The following GPD2 variants were observed in gnomAD, a reference collection of about 807,000 sequenced individuals.
GPD2 encodes glycerol-3-phosphate dehydrogenase 2, also known as glycerol-3-phosphate dehydrogenase, mitochondrial.
A neutral mutation model predicts 82.4 loss-of-function variants in GPD2; 54 were observed. The ratio of observed to expected loss-of-function variants is 0.66; its 90% CI spans 0.53 to 0.82. GPD2 has a LOEUF of 0.82. Among genes scored for constraint, GPD2 ranks in the 40% least tolerant of loss-of-function variants. GPD2 has a pLI of 0.00. For missense variants in GPD2, 748 were observed against 896.2 expected (o/e 0.83, Z 2.11); for synonymous variants, 288 against 306.1 (o/e 0.94, Z 0.62).
intron 6 of GPD2, among the ~76,000 whole-genome samples, chr2:156,521,578 C>T (rs544915911): frequency 1.3e-5 from 2 of 152,054 alleles, no homozygotes; most frequent in African/African-American, 4.8e-5. Flanking sequence ...GAAAATATTC[C>T]AAAGTGAAGC....
intron 6 of GPD2, among the ~76,000 whole-genome samples, chr2:156,539,067 A>G (rs181824745): frequency 1.3e-5 from 2 of 152,302 alleles, no homozygotes; most frequent in African/African-American, 2.4e-5. Flanking sequence ...TTGCTGAGAG[A>G]TGTTATTCTG....
At chr2:156,480,961 T>C (rs540237565) in intron 2 of GPD2, among the ~76,000 whole-genome samples, 75 of 151,628 alleles carry the variant, frequency 4.9e-4, no homozygotes, top group African/African-American at 1.7e-3. Flanking sequence ...CTAAGGTCTC[T>C]TTTTAATGGG....
intron 1 of GPD2, among the ~76,000 whole-genome samples, chr2:156,469,848 A>G (rs151322441): frequency 2.4e-4 from 37 of 152,334 alleles, no homozygotes; most frequent in African/African-American, 8.7e-4. Context: ...AGGTTTCTAT[A>G]TAAGAAACCA....
intron 1 of GPD2, among the ~76,000 whole-genome samples, chr2:156,466,965 A>G (rs4423559): frequency 6.6e-6 from 1 of 152,064 alleles, no homozygotes; most frequent in African/African-American, 2.4e-5. Context: ...CCTCGTTCTC[A>G]CTGTTGGTTT....
chr2:156,571,661 A>G (rs571653184), intron 13 of GPD2, among the ~76,000 whole-genome samples: 2 of 152,146 alleles, frequency 1.3e-5, no homozygotes, highest in African/African-American at 4.8e-5. Flanking sequence ...TTTCTGCCTG[A>G]GCACTAAATG....
intron 6 of GPD2, among the ~76,000 whole-genome samples, chr2:156,521,920 A>C (rs1347189499): frequency 6.6e-6 from 1 of 152,136 alleles, no homozygotes; most frequent in Non-Finnish European, 1.5e-5. Flanking sequence ...CTTGTTTTCT[A>C]TGAGTTACAT....
chr2:156,552,188 G>A (rs1404729303), intron 8 of GPD2, among the ~76,000 whole-genome samples: 5 of 152,292 alleles, frequency 3.3e-5, no homozygotes, highest in Admixed American at 6.5e-5. Context: ...TTCAAAATGC[G>A]TATGTGAGAG....
intron 6 of GPD2, among the ~76,000 whole-genome samples, chr2:156,537,045 C>A (rs1440478897): frequency 6.6e-6 from 1 of 152,180 alleles, no homozygotes; most frequent in Non-Finnish European, 1.5e-5. Flanking sequence ...ACTAGGAGCA[C>A]AGAGTGAGAA....
intron 3 of GPD2, among the ~76,000 whole-genome samples, chr2:156,502,893 AT>A (rs917720241): frequency 8.6e-5 from 13 of 151,210 alleles, no homozygotes; most frequent in South Asian, 4.2e-4. Flanking sequence ...TTTGCTTTGT[AT>A]TTTTTTTAAT....
intron 3 of GPD2, among the ~76,000 whole-genome samples, chr2:156,505,951 T>G (rs1410401380): frequency 6.6e-6 from 1 of 152,184 alleles, no homozygotes; most frequent in Non-Finnish European, 1.5e-5. Context: ...AGGGACAGAT[T>G]AGATAACAGA....
chr2:156,433,841 C>T (rs1688351800), upstream of GPD2, among the ~76,000 whole-genome samples: 1 of 152,150 alleles, frequency 6.6e-6, no homozygotes, highest in African/African-American at 2.4e-5. Context: ...CTATGCTAGG[C>T]ACTAGAGTAC....
chr2:156,578,771 T>A (rs1236950054), intron 13 of GPD2, 118 bp from the exon 14 acceptor site: 5 of 686,240 alleles, frequency 7.3e-6, no homozygotes, highest in African/African-American at 7.3e-5. Flanking sequence ...AATAAAAAAA[T>A]TGTGCTGGTT....
At chr2:156,512,139 A>T in intron 4 of GPD2, 81 bp from the exon 5 acceptor site, 1 of 781,614 alleles carries the variant, frequency 1.3e-6, no homozygotes, top group Non-Finnish European at 2.4e-6. Context: ...TGTATCAATC[A>T]GTTGGCAGGG....
chr2:156,412,455 A>C, the GPD2 span, among the ~76,000 whole-genome samples: 1 of 145,206 alleles, frequency 6.9e-6, no homozygotes, highest in African/African-American at 2.5e-5. Context: ...AAAAAAAAAT[A>C]CAGGATTTGG....
chr2:156,538,377 G>A lies in GPD2; in HGVS notation c.662-11231G>A, dbSNP rs1169878917. Among the ~76,000 whole-genome samples the A allele has an allele frequency of 3.3e-5, 5 of 152,036 alleles. No individual in the cohort carries two copies. The East Asian group carries it at 9.6e-4, about 29-fold the overall frequency. On this transcript the variant is annotated intron_variant, in intron 6 of 16. Transcript: ENST00000438166. ...TTGTCCTTGCAGGAGGTAAACTCTT[G>A]GAGAAGATGGTGGGGGATAGAACCA...
intron 1 of GPD2, among the ~76,000 whole-genome samples, chr2:156,451,313 C>G (rs555433547): frequency 9.7e-4 from 147 of 150,958 alleles, no homozygotes; most frequent in Non-Finnish European, 1.5e-3. Context: ...CACCTCCTTT[C>G]CGGACAGGGC....
chr2:156,537,534 A>G (rs1169294431), intron 6 of GPD2, among the ~76,000 whole-genome samples: 6 of 152,198 alleles, frequency 3.9e-5, no homozygotes, highest in Non-Finnish European at 8.8e-5. Flanking sequence ...TACGTTTTCA[A>G]TTTGGTGTGA....
rs141852114 is a variant in GPD2 at position 156,578,944 on chromosome 2, G to C, written c.1823G>C (p.Arg608Pro). ...TATTATGAAATGGGCTATAAATCTC[G>C]ATCAGAACAGTTAACAGATCGCTCT... ...FLYYEMGYKS[R>P]SEQLTDRSEI... Residue 608 changes from arginine to proline, a missense_variant, in exon 14 of 17, where the codon CGA becomes CCA. Arg to Pro is a moderately radical substitution (Grantham distance 103). Coordinates refer to ENST00000438166, the MANE Select transcript of GPD2 (RefSeq NM_000408.5). 4 of 1,612,200 alleles carry C rather than the reference G, an allele frequency of 2.5e-6. No individual in the cohort carries two copies. The highest frequency in any genetic ancestry group is 2.2e-5 in the East Asian group (1 of 44,810).
chr2:156,503,508 C>A (rs1011333577), intron 3 of GPD2, among the ~76,000 whole-genome samples: 1 of 151,942 alleles, frequency 6.6e-6, no homozygotes. Context: ...CAATGTCATA[C>A]GGGTCAGAAT....
Sources: allele counts gnomAD v4.1 joint callset (sites outside exome capture counted in the v4.1 genomes callset), GRCh38; gene constraint gnomAD v4.1.1; transcripts MANE v1.5; gene names NCBI Gene and HGNC (gene_info 2026-07-23, HGNC 2026-07-21).